RC3H1: variants seen among roughly 807,000 people sequenced by gnomAD.
RC3H1 encodes ring finger and CCCH-type domains 1.
Under a neutral mutation model 138.2 loss-of-function variants are expected in RC3H1, and 50 were observed. The ratio of observed to expected loss-of-function variants is 0.36; its 90% CI spans 0.29 to 0.46. The LOEUF is 0.46. RC3H1 is among the 20% of genes least tolerant of loss of function. The pLI, the probability that RC3H1 is intolerant of heterozygous loss-of-function variation, is 1.00. For missense variants in RC3H1, 1,031 were observed against 1,388.1 expected (o/e 0.74, Z 4.09); for synonymous variants, 462 against 489.1 (o/e 0.94, Z 0.73).
At chr1:173,991,242 T>C (rs1661276285) in intron 2 of RC3H1, among the ~76,000 whole-genome samples, 1 of 152,120 alleles carries the variant, frequency 6.6e-6, no homozygotes. Flanking sequence ...AAAGAAATTA[T>C]GAAACACTGT....
intron 13 of RC3H1, among the ~76,000 whole-genome samples, chr1:173,953,740 T>C (rs1659515579): frequency 6.6e-6 from 1 of 151,994 alleles, no homozygotes; most frequent in Non-Finnish European, 1.5e-5. Context: ...AATGATCCTA[T>C]TAAAAAATAA....
chr1:173,941,589 A>AAC, intron 18 of RC3H1: 1 of 445,160 alleles, frequency 2.2e-6, no homozygotes. Context: ...GGACAATAAG[A>AAC]CAGACAATGC....
intron 1 of RC3H1, among the ~76,000 whole-genome samples, chr1:173,997,341 G>C (rs1364089370): frequency 1.3e-5 from 2 of 152,150 alleles, no homozygotes; most frequent in African/African-American, 4.8e-5. Context: ...CACAAAGCTA[G>C]AGTACACTTA....
Position 173,962,009 on chromosome 1 carries a change from C to A in RC3H1, c.1918G>T (p.Asp640Tyr). The change falls in exon 12 of 20, where the codon GAT becomes TAT. Residue 640 changes from aspartate to tyrosine, a missense_variant. By Grantham distance (160) the Asp-to-Tyr change is radical. This residue lies in a region of RC3H1 where 716 missense variants were observed against 837.9 expected (regional missense o/e 0.85). Transcript: ENST00000367696. ...SAPEPAPPYLDHYPPYLQERV... is the reference protein window; with the variant it reads ...SAPEPAPPYLYHYPPYLQERV... ...TCTTGGAGGTAGGGTGGATAATGAT[C>A]CAAGTAGGGAGGAGCAGGTTCAGGA... 4.3e-6 allele frequency: 7 copies of A among 1,613,876 alleles called. No homozygotes were observed. The highest frequency in any genetic ancestry group is 5.1e-6 in the Non-Finnish European group (6 of 1,179,988).
intron 1 of RC3H1, among the ~76,000 whole-genome samples, chr1:173,995,842 C>T (rs1246920190): frequency 2.0e-5 from 3 of 152,106 alleles, no homozygotes; most frequent in Non-Finnish European, 4.4e-5. Flanking sequence ...TTTAAGAAAA[C>T]CTGATATGTA....
chr1:173,963,892 T>C, intron 11 of RC3H1, 81 bp downstream of exon 11: 7 of 1,111,596 alleles, frequency 6.3e-6, no homozygotes, highest in Non-Finnish European at 9.3e-6. Context: ...AAGAGGCTAC[T>C]GTGTAAATGA....
At position 173,933,601 on chromosome 1, in the gene RC3H1, T is replaced by G. The variant is rs935910654; in HGVS notation, c.*5120A>C. On this transcript the variant is annotated 3_prime_UTR_variant, in exon 20 of 20. Coordinates refer to ENST00000367696, the MANE Select transcript of RC3H1 (RefSeq NM_172071.4). ...TTGAAGTGGCTCAGAAAAGCTAAATTGAGAAAATGTTTAATAGTAACTATA... is the reference window on the plus strand; with the variant it reads ...TTGAAGTGGCTCAGAAAAGCTAAATGGAGAAAATGTTTAATAGTAACTATA... 1 of 152,128 alleles carries G rather than the reference T, an allele frequency of 6.6e-6. No individual in the cohort carries two copies. Among genetic ancestry groups the G allele is most frequent in the African/African-American group, 2.4e-5 (1 of 41,438 alleles). 9.4% of individuals were successfully genotyped at this position (152,128 alleles called of 1,614,324 possible). A position where few individuals can be genotyped will look rare whatever the true frequency, so the allele number is the denominator to read the frequency against.
At chr1:173,959,250 C>T (rs1659769345) in intron 13 of RC3H1, among the ~76,000 whole-genome samples, 2 of 151,874 alleles carry the variant, frequency 1.3e-5, no homozygotes, top group Admixed American at 1.3e-4. Context: ...ATTTAGCAAG[C>T]CTGCTGAATA....
At chr1:174,004,879 A>G (rs1661626933) in intron 1 of RC3H1, among the ~76,000 whole-genome samples, 1 of 151,832 alleles carries the variant, frequency 6.6e-6, no homozygotes, top group Non-Finnish European at 1.5e-5. Context: ...TTTCTTCCCC[A>G]ACAGTTTCCC....
At chr1:173,998,958 G>T (rs1028943989) in intron 1 of RC3H1, among the ~76,000 whole-genome samples, 1 of 151,648 alleles carries the variant, frequency 6.6e-6, no homozygotes, top group Admixed American at 6.6e-5. Context: ...GCAGAGTGTG[G>T]TGGCACGTAC....
chr1:173,984,682 G>C (rs757910298), intron 2 of RC3H1, 63 bp from the exon 3 acceptor site: 21 of 1,514,860 alleles, frequency 1.4e-5, no homozygotes, highest in Non-Finnish European at 1.9e-5. Flanking sequence ...ATTTAGTATA[G>C]TTTATGCACT....
intron 12 of RC3H1, 59 bp downstream of exon 12, chr1:173,961,666 G>C: frequency 6.8e-7 from 1 of 1,468,040 alleles, no homozygotes; most frequent in Non-Finnish European, 9.2e-7. Flanking sequence ...TAAAAAGTAA[G>C]GAATCACAGC....
rs1263060113 is a variant in RC3H1, at chr1:173,937,547, A to G, written c.*1174T>C. On this transcript the variant is annotated 3_prime_UTR_variant, in exon 20 of 20. Transcript: ENST00000367696. ...AAAAAAAAAAACCTTACTCTTTTCA[A>G]TATTTTCATGAAGAAACATTTGCAA... The G allele has an allele frequency of 6.6e-6, 1 of 152,410 alleles. No homozygotes were observed. The highest frequency in any genetic ancestry group is 1.5e-5 in the Non-Finnish European group (1 of 68,016). 9.4% of individuals were successfully genotyped at this position (152,410 alleles called of 1,614,324 possible).
chr1:173,983,410 T>C lies in RC3H1; in HGVS notation c.592+8A>G. ...CAGCAGAATAAATACCTAAAGTTAA[T>C]TATGTACCTGGTCCAAGGAACTGGC... On this transcript the variant is annotated splice_region_variant and intron_variant, in intron 4 of 19. Transcript: ENST00000367696. 6.2e-7 allele frequency: 1 copy of C among 1,613,908 alleles called. No homozygotes were observed. Among genetic ancestry groups the C allele is most frequent in the African/African-American group, 1.3e-5 (1 of 75,036 alleles).
chr1:173,946,694 CTAATTT>C, intron 16 of RC3H1, 46 bp downstream of exon 16: 1 of 1,596,616 alleles, frequency 6.3e-7, no homozygotes, highest in South Asian at 1.1e-5. Flanking sequence ...AAGAAGTTGC[CTAATTT>C]TAAAGGTTTC....
At position 173,961,694 on chromosome 1, in the gene RC3H1, A is replaced by G. The variant is rs747817962; in HGVS notation, c.2202+31T>C. On this transcript the variant is annotated intron_variant, in intron 12 of 19. Coordinates refer to ENST00000367696, the MANE Select transcript of RC3H1 (RefSeq NM_172071.4). ...ATCACAGCAAGCAACAGTCAAATTA[A>G]GTCTATGTAATAAAAAAAAATACAG... is the stretch of plus-strand genomic sequence containing the variant. The G allele has an allele frequency of 1.0e-5, 16 of 1,576,722 alleles. No individual in the cohort carries two copies. In the Middle Eastern group the frequency reaches 2.1e-3, roughly 207 times the overall value.
intron 1 of RC3H1, among the ~76,000 whole-genome samples, chr1:173,996,592 C>G (rs1042786189): frequency 1.3e-5 from 2 of 152,154 alleles, no homozygotes; most frequent in African/African-American, 4.8e-5. Context: ...CACAGATAAA[C>G]CTGAGTGAAC....
In RC3H1 at chr1:173,936,047, A is replaced by G. The variant is rs1658569403; in HGVS notation, c.*2674T>C. 1 of 152,238 alleles carries G rather than the reference A, an allele frequency of 6.6e-6. No individual in the cohort carries two copies. The highest frequency in any genetic ancestry group is 1.5e-5 in the Non-Finnish European group (1 of 68,044). The allele number at this position is 152,238 out of a possible 1,614,324, so 9.4% of individuals were successfully genotyped here. On this transcript the variant is annotated 3_prime_UTR_variant, in exon 20 of 20. Coordinates refer to ENST00000367696, the MANE Select transcript of RC3H1 (RefSeq NM_172071.4). ...TTTTCTGGTTTTGTTCAGAACAGGAATACTGTATAAATTAATCCCTGCTCC... is the reference window on the plus strand; with the variant it reads ...TTTTCTGGTTTTGTTCAGAACAGGAGTACTGTATAAATTAATCCCTGCTCC...
chr1:173,982,045 T>C (rs78519408), intron 5 of RC3H1, among the ~76,000 whole-genome samples: 18,616 of 152,258 alleles, frequency 0.12, 1,494 homozygotes, highest in South Asian at 0.18. Context: ...TGGAACTTCA[T>C]TATTGTATAT....
Sources: gnomAD v4.1 joint callset for allele counts (sites outside exome capture counted in the v4.1 genomes callset) on GRCh38, gnomAD v4.1.1 for gene constraint, gnomAD v4.1.1 regional missense constraint, MANE v1.5 for transcripts, NCBI Gene and HGNC (gene_info 2026-07-23, HGNC 2026-07-21) for gene names.